Variants in JPH2 observed in about 807,000 individuals in gnomAD.
JPH2 encodes junctophilin 2, also known as junctophilin-2.
Under a neutral mutation model 55.9 loss-of-function variants are expected in JPH2, and 38 were observed. The ratio of observed to expected loss-of-function variants is 0.68; its 90% CI spans 0.52 to 0.89. JPH2 has a LOEUF of 0.89. Ranked by LOEUF, JPH2 falls within the 40% of genes least tolerant of loss-of-function variation. The pLI is 0.00. For synonymous variants in JPH2, 480 were observed against 472.4 expected (o/e 1.02, Z -0.21); for missense variants, 964 against 1,037.6 (o/e 0.93, Z 0.97).
At position 44,186,805 on chromosome 20, in the gene JPH2, C is replaced by A. The variant is rs956902263; in HGVS notation, c.-100G>T. On this transcript the variant is annotated 5_prime_UTR_variant, in exon 1 of 6. Transcript: ENST00000372980. ...CTCCAGTGCCCTCGGGGGCAGGCCCCCAGACTCACCACTGCACCCCAGGAG... is the reference window on the plus strand; with the variant it reads ...CTCCAGTGCCCTCGGGGGCAGGCCCACAGACTCACCACTGCACCCCAGGAG... 4.2e-5 allele frequency: 51 copies of A among 1,203,598 alleles called. No individual in the cohort carries two copies. In the African/African-American group the frequency reaches 6.9e-4, roughly 16 times the overall value. The allele number at this position is 1,203,598 out of a possible 1,614,324, so 74.6% of individuals were successfully genotyped here.
At chr20:44,123,103 C>T (rs2072249851) in intron 2 of JPH2, among the ~76,000 whole-genome samples, 2 of 152,188 alleles carry the variant, frequency 1.3e-5, no homozygotes, top group Non-Finnish European at 2.9e-5. Context: ...GGCGGCCACA[C>T]AGCCCAGGGC....
intron 1 of JPH2, chr20:44,176,798 A>G (rs1280959830): frequency 6.5e-6 from 6 of 922,856 alleles, no homozygotes; most frequent in Non-Finnish European, 6.5e-6. Flanking sequence ...TGTTAAAAAA[A>G]AGAAAAAGAA....
rs958720366 is a variant in JPH2, at chr20:44,176,826, A to G, written c.379+9501T>C. On this transcript the variant is annotated intron_variant, in intron 1 of 5. Transcript: ENST00000372980. ...AAAAAGAAAAAAAAGGTATCCATAA[A>G]GGATTCCAATTTAATTAAAAATAGA... 8 of 969,310 alleles carry G rather than the reference A, an allele frequency of 8.3e-6. No individual in the cohort carries two copies. The African/African-American group carries it at 1.4e-4, about 17-fold the overall frequency. The allele number at this position is 969,310 out of a possible 1,614,324, so 60.0% of individuals were successfully genotyped here. A position where few individuals can be genotyped will look rare whatever the true frequency, so the allele number is the denominator to read the frequency against.
intron 2 of JPH2, among the ~76,000 whole-genome samples, chr20:44,129,957 T>C (rs761208): frequency 0.7 from 105,739 of 151,938 alleles, 36,884 homozygotes; most frequent in Admixed American, 0.77. Context: ...TCCTCCCCTT[T>C]GAGCCTCCAG....
chr20:44,181,773 C>T (rs535349551), intron 1 of JPH2, among the ~76,000 whole-genome samples: 1 of 152,314 alleles, frequency 6.6e-6, no homozygotes, highest in African/African-American at 2.4e-5. Flanking sequence ...CAGCTGACTT[C>T]AGGAAGCCTC....
intron 2 of JPH2, among the ~76,000 whole-genome samples, chr20:44,142,060 G>C (rs2072460660): frequency 6.6e-6 from 1 of 152,202 alleles, no homozygotes; most frequent in South Asian, 2.1e-4. Flanking sequence ...TCTGACATTG[G>C]CTGGGGTTGG....
rs953630404 is a variant in JPH2, at chr20:44,109,597, G to C, written c.*3921C>G. 6.6e-6 allele frequency among the ~76,000 whole-genome samples: 1 copy of C among 152,186 alleles called. No individual in the cohort carries two copies. The highest frequency in any genetic ancestry group is 6.5e-5 in the Admixed American group (1 of 15,286). On this transcript the variant is annotated 3_prime_UTR_variant, in exon 6 of 6. Transcript: ENST00000372980. ...CTGAGAGAGTGAGGGAGTGGGAACT[G>C]GCCTCCATAGGCATAGTCAGAGTTT...
intron 1 of JPH2, among the ~76,000 whole-genome samples, chr20:44,169,213 G>C (rs1466283656): frequency 7.3e-6 from 1 of 137,382 alleles, no homozygotes; most frequent in Non-Finnish European, 1.5e-5. Context: ...GTCTTTCTCT[G>C]TTGCCCAGGC....
intron 1 of JPH2, among the ~76,000 whole-genome samples, chr20:44,173,156 C>A (rs1414370112): frequency 6.6e-6 from 1 of 152,058 alleles, no homozygotes; most frequent in Non-Finnish European, 1.5e-5. Flanking sequence ...ACTCAGTGAC[C>A]AAAACTGCCT....
intron 1 of JPH2, among the ~76,000 whole-genome samples, chr20:44,161,438 G>A (rs1382826965): frequency 1.3e-5 from 2 of 152,102 alleles, no homozygotes; most frequent in African/African-American, 4.8e-5. Flanking sequence ...GCAGGGAGTA[G>A]TGGTTCAGAG....
intron 2 of JPH2, among the ~76,000 whole-genome samples, chr20:44,155,861 C>T (rs948792370): frequency 6.6e-6 from 1 of 152,008 alleles, no homozygotes; most frequent in Admixed American, 6.6e-5. Flanking sequence ...TATGGCAAAA[C>T]CCCATCTCTA....
At chr20:44,139,221 C>T (rs2072438507) in intron 2 of JPH2, among the ~76,000 whole-genome samples, 2 of 152,076 alleles carry the variant, frequency 1.3e-5, no homozygotes, top group South Asian at 4.2e-4. Context: ...AGGGACTTGC[C>T]CGGGGTCATT....
chr20:44,175,111 C>A (rs1028248239), intron 1 of JPH2, among the ~76,000 whole-genome samples: 46 of 152,294 alleles, frequency 3.0e-4, no homozygotes, highest in African/African-American at 1.0e-3. Flanking sequence ...CCCAGGGTAA[C>A]TTCTGTTAAT....
intron 2 of JPH2, among the ~76,000 whole-genome samples, chr20:44,141,777 G>C (rs2072458471): frequency 6.6e-6 from 1 of 152,146 alleles, no homozygotes; most frequent in Non-Finnish European, 1.5e-5. Context: ...CCAAAGAGCT[G>C]GGATTACAGG....
intron 2 of JPH2, among the ~76,000 whole-genome samples, chr20:44,130,226 A>C (rs1351701898): frequency 6.6e-6 from 1 of 152,210 alleles, no homozygotes; most frequent in Non-Finnish European, 1.5e-5. Context: ...ACTCCCTGGC[A>C]CAAAAGCCTT....
chr20:44,114,157 A>C (rs1292456785), intron 5 of JPH2, among the ~76,000 whole-genome samples: 1 of 152,036 alleles, frequency 6.6e-6, no homozygotes, highest in Non-Finnish European at 1.5e-5. Context: ...AGCCCAGCCC[A>C]CTCCACTTCA....
intron 1 of JPH2, among the ~76,000 whole-genome samples, chr20:44,181,017 T>C (rs911996379): frequency 1.3e-5 from 2 of 151,830 alleles, no homozygotes; most frequent in Admixed American, 6.6e-5. Flanking sequence ...CTTTGCTATA[T>C]ATGGCCAGGG....
intron 2 of JPH2, among the ~76,000 whole-genome samples, chr20:44,119,235 T>C (rs1310868775): frequency 6.6e-6 from 1 of 152,230 alleles, no homozygotes; most frequent in African/African-American, 2.4e-5. Flanking sequence ...AATTTTAAAG[T>C]ATAGATAAGC....
chr20:44,134,671 TA>T (rs1215200701), intron 2 of JPH2, among the ~76,000 whole-genome samples: 3,948 of 29,000 alleles, frequency 0.14, 957 homozygotes, highest in Middle Eastern at 0.27. Context: ...TATATAAATA[TA>T]TATTTATAAA....
Sources: allele counts gnomAD v4.1 joint callset (sites outside exome capture counted in the v4.1 genomes callset), GRCh38; gene constraint gnomAD v4.1.1; transcripts MANE v1.5; gene names NCBI Gene and HGNC (gene_info 2026-07-23, HGNC 2026-07-21).